KLK13: variants seen among roughly 807,000 people sequenced by gnomAD.
KLK13 encodes the protein kallikrein-13.
A neutral mutation model predicts 22.4 loss-of-function variants in KLK13; 19 were observed. That is an observed-to-expected ratio of 0.85 (90% confidence interval 0.59 to 1.24). The LOEUF (loss-of-function observed/expected upper bound fraction) is 1.24. KLK13 is among the 50% of genes most tolerant of loss of function. KLK13 has a pLI of 0.00. For missense variants in KLK13, 311 were observed against 347.9 expected (o/e 0.89, Z 0.84); for synonymous variants, 156 against 141.8 (o/e 1.10, Z -0.71).
At chr19:51,061,563 A>AC (rs2122704330) in intron 1 of KLK13, among the ~76,000 whole-genome samples, 1 of 152,234 alleles carries the variant, frequency 6.6e-6, no homozygotes, top group South Asian at 2.1e-4. Context: ...TTCATCACTC[A>AC]CAACCAGTTC....
At chr19:51,059,771 C>T in intron 3 of KLK13, 54 bp downstream of exon 3, 1 of 1,432,786 alleles carries the variant, frequency 7.0e-7, no homozygotes, top group Non-Finnish European at 9.2e-7. Context: ...CATCTCTGCC[C>T]CTGTTTCCCC....
At chr19:51,064,892 T>A in intron 1 of KLK13, 124 bp downstream of exon 1, 1 of 793,946 alleles carries the variant, frequency 1.3e-6, no homozygotes, top group Non-Finnish European at 2.0e-6. Context: ...CTGTCCCCAC[T>A]GGACCCGGCC....
chr19:51,060,703 G>T (rs1599786302), intron 1 of KLK13, 84 bp from the exon 2 acceptor site: 3 of 1,171,764 alleles, frequency 2.6e-6, no homozygotes, highest in African/African-American at 1.5e-5. Context: ...TTTGGGGTAA[G>T]GGTCGGATTA....
intron 4 of KLK13, 128 bp from the exon 5 acceptor site, chr19:51,056,903 G>A: frequency 1.5e-6 from 1 of 676,552 alleles, no homozygotes; most frequent in Non-Finnish European, 2.5e-6. Flanking sequence ...ACTCAGAGAG[G>A]CAGAGTCAGA....
At chr19:51,060,175 C>A in intron 2 of KLK13, 82 bp from the exon 3 acceptor site, 2 of 1,532,130 alleles carry the variant, frequency 1.3e-6, no homozygotes, top group East Asian at 2.3e-5. Context: ...CTTCCCATCC[C>A]CAACCTAACT....
Position 51,059,988 on chromosome 19 carries a change from G to A in KLK13, c.345C>T (p.Ser115=). 6.2e-7 allele frequency: 1 copy of A among 1,613,592 alleles called. No individual in the cohort carries two copies. The highest frequency in any genetic ancestry group is 1.1e-5 in the South Asian group (1 of 91,074). ...HSIPHPEYRR[S]PTHLNHDHDI... ...CATGGTCGTGGTTCAGGTGGGTGGG[G>A]CTTCTCCGGTATTCAGGGTGGGGGA... The change falls in exon 3 of 5, where the codon AGC becomes AGT. Residue 115 remains serine (S), a synonymous_variant. Transcript: ENST00000595793.
chr19:51,057,804 T>C (rs1032261815), intron 4 of KLK13, among the ~76,000 whole-genome samples: 1 of 152,076 alleles, frequency 6.6e-6, no homozygotes, highest in Admixed American at 6.6e-5. Context: ...TAACAGCCTC[T>C]CCTGATTTTT....
chr19:51,060,474 G>A lies in KLK13; in HGVS notation c.198C>T (p.Val66=). 1.2e-6 allele frequency: 2 copies of A among 1,613,676 alleles called. No homozygotes were observed. The highest frequency in any genetic ancestry group is 4.5e-5 in the East Asian group (2 of 44,868). Reference sequence around the variant, plus strand: ...CGGCAGTGAGGACCCATTTGGGGTGGACCAGGACTCCCCCACAGAGTAGCC... The same window carrying A: ...CGGCAGTGAGGACCCATTTGGGGTGAACCAGGACTCCCCCACAGAGTAGCC... ...QGRLLCGGVL[V]HPKWVLTAAH... Residue 66 remains valine, a synonymous_variant, in exon 2 of 5, where the codon GTC becomes GTT. Transcript: ENST00000595793.
chr19:51,065,052 G>A lies in KLK13; in HGVS notation c.16C>T (p.Leu6=). 1 of 1,549,084 alleles carries A rather than the reference G, an allele frequency of 6.5e-7. No homozygotes were observed. Among genetic ancestry groups the A allele is most frequent in the Non-Finnish European group, 8.7e-7 (1 of 1,146,162 alleles). ...GCCAAGGTCAGGGAGGCGATCACTA[G>A]GGCCAGGGGCCACATGGCTCCGGGA... is the stretch of plus-strand genomic sequence containing the variant. MWPLA[L]VIASLTLALS... is the part of the protein sequence containing the mutation. Residue 6 remains leucine, a synonymous_variant, in exon 1 of 5, where the codon CTA becomes TTA. Transcript: ENST00000595793.
chr19:51,061,961 C>A (rs1448615900), intron 1 of KLK13, among the ~76,000 whole-genome samples: 1 of 152,092 alleles, frequency 6.6e-6, no homozygotes, highest in Admixed American at 6.5e-5. Flanking sequence ...ATCTTGGATG[C>A]CCCCATACTA....
At chr19:51,065,152 C>T, upstream of KLK13, 1 of 982,420 alleles carries the variant, frequency 1.0e-6, no homozygotes, top group Non-Finnish European at 1.5e-6. Context: ...CCGGAACCTC[C>T]GCGTCTGAAA....
chr19:51,060,214 A>G, intron 2 of KLK13, 121 bp from the exon 3 acceptor site: 1 of 1,252,864 alleles, frequency 8.0e-7, no homozygotes, highest in East Asian at 2.5e-5. Flanking sequence ...CCTCATCTCC[A>G]AATACATCTC....
intron 1 of KLK13, among the ~76,000 whole-genome samples, chr19:51,062,888 A>G (rs1568591200): frequency 6.6e-6 from 1 of 152,214 alleles, no homozygotes; most frequent in Non-Finnish European, 1.5e-5. Context: ...TTCCCCAACT[A>G]CAGGGCAAGC....
Position 51,060,555 on chromosome 19 carries a change from G to T in KLK13, c.117C>A (p.Gly39=). The T allele has an allele frequency of 6.2e-7, 1 of 1,613,802 alleles. No homozygotes were observed. The highest frequency in any genetic ancestry group is 2.2e-5 in the East Asian group (1 of 44,864). Residue 39 remains glycine, a synonymous_variant, in exon 2 of 5, where the codon GGC becomes GGA. Coordinates refer to ENST00000595793, the MANE Select transcript of KLK13 (RefSeq NM_015596.3). ...GCTGAGAGTGGGGGAAGCAGGTGTA[G>T]CCACCTGGGAGAAACCCACTGGTCC... The part of the protein sequence containing the change: ...TNGTSGFLPG[G]YTCFPHSQPW...
At chr19:51,061,386 T>A (rs2091730153) in intron 1 of KLK13, among the ~76,000 whole-genome samples, 1 of 152,234 alleles carries the variant, frequency 6.6e-6, no homozygotes. Context: ...AGCCCTGAAC[T>A]CTTCTTTAAG....
chr19:51,059,299 A>G (rs1484598612), intron 3 of KLK13, among the ~76,000 whole-genome samples: 1 of 149,286 alleles, frequency 6.7e-6, no homozygotes, highest in Non-Finnish European at 1.5e-5. Context: ...TATATTAAAC[A>G]TTTTATAAAT....
In KLK13 at chr19:51,056,569, C is replaced by T. The variant is rs370649256; in HGVS notation, c.*18G>A. 379 of 1,612,644 alleles carry T rather than the reference C, an allele frequency of 2.4e-4. 10 individuals are homozygous for T. The South Asian group carries it at 2.6e-3, about 11-fold the overall frequency. On this transcript the variant is annotated 3_prime_UTR_variant, in exon 5 of 5. Transcript: ENST00000595793. Reference sequence around the variant, plus strand: ...GAAGTCATGGTGACAGGATGGAAGCCGGTACATTTCTCAACTTTTATTGTG... The same window carrying T: ...GAAGTCATGGTGACAGGATGGAAGCTGGTACATTTCTCAACTTTTATTGTG...
At position 51,059,875 on chromosome 19, in the gene KLK13, G is replaced by A. The variant is rs2091709576; in HGVS notation, c.458C>T (p.Pro153Leu). 6.2e-7 allele frequency: 1 copy of A among 1,603,694 alleles called. No homozygotes were observed. The change falls in exon 3 of 5, where the codon CCT (proline) becomes CTT (leucine). Residue 153 changes from proline to leucine, a missense_variant. Physicochemically the swap from Pro to Leu is moderately conservative, Grantham distance 98. Transcript: ENST00000595793. ...LPLSHNNRLT[P>L]GTTCRVSGWG... ...GCCAGACACCCGACAGGTGGTGCCA[G>A]GGGTTAGGCGGTTGTTGTGGGAAAG...
In KLK13 at chr19:51,062,089, G is replaced by A. The variant is rs372119774; in HGVS notation, c.53-1470C>T. On this transcript the variant is annotated intron_variant, in intron 1 of 4. Coordinates refer to ENST00000595793, the MANE Select transcript of KLK13 (RefSeq NM_015596.3). ...TTAAATTTAAACTAATTAAAATGAA[G>A]TAAAACTAAATTAAAAATTCAGTTC... Among the ~76,000 whole-genome samples, 9 of 151,888 alleles carry A rather than the reference G, an allele frequency of 5.9e-5. 1 individual carries two copies. The highest frequency in any genetic ancestry group is 2.1e-4 in the South Asian group (1 of 4,792).
Sources: gnomAD v4.1 joint callset for allele counts (sites outside exome capture counted in the v4.1 genomes callset) on GRCh38, gnomAD v4.1.1 for gene constraint, MANE v1.5 for transcripts, NCBI Gene and HGNC (gene_info 2026-07-23, HGNC 2026-07-21) for gene names.